Variants in PLA2G1B observed in about 807,000 individuals in gnomAD.
PLA2G1B encodes phospholipase A2.
Under a neutral mutation model 12.5 loss-of-function variants are expected in PLA2G1B, and 12 were observed. The ratio of observed to expected loss-of-function variants is 0.96; its 90% CI spans 0.62 to 1.56. The LOEUF (loss-of-function observed/expected upper bound fraction) is 1.56. Among genes scored for constraint, PLA2G1B ranks in the 40% most tolerant of loss-of-function variants. The pLI, the probability that PLA2G1B is intolerant of heterozygous loss-of-function variation, is 0.00. For missense variants in PLA2G1B, 189 were observed against 186.7 expected, an observed-to-expected ratio of 1.01 and a Z score of -0.07; for synonymous variants, 81 against 73.4, an observed-to-expected ratio of 1.10 and a Z score of -0.53.
At chr12:120,324,864 T>A in intron 3 of PLA2G1B, 70 bp downstream of exon 3, 1 of 1,503,324 alleles carries the variant, frequency 6.7e-7, no homozygotes, top group Non-Finnish European at 9.2e-7. Context: ...ATGGCTGTTG[T>A]TACTATTATT....
At position 120,327,596 on chromosome 12, in the gene PLA2G1B, C is replaced by A; in HGVS notation, c.34+124G>T. 3.1e-6 allele frequency: 3 copies of A among 958,718 alleles called. 1 individual carries two copies. Among genetic ancestry groups the A allele is most frequent in the South Asian group, 2.7e-5 (2 of 75,162 alleles). 59.4% of individuals were successfully genotyped at this position (958,718 alleles called of 1,614,324 possible). ...GGAGCCCTTAAGCCCCACTGGGAAC[C>A]TCGAATTGAGACTGCGGGGCTGGCC... On this transcript the variant is annotated intron_variant, in intron 1 of 3. Transcript: ENST00000308366.
intron 1 of PLA2G1B, 90 bp from the exon 2 acceptor site, chr12:120,326,110 C>T: frequency 7.3e-7 from 1 of 1,368,822 alleles, no homozygotes; most frequent in Non-Finnish European, 1.0e-6. Context: ...CACGCTGCCT[C>T]CCTGACCCCT....
At chr12:120,326,580 TAA>T (rs1362024547) in intron 1 of PLA2G1B, among the ~76,000 whole-genome samples, 46 of 14,894 alleles carry the variant, frequency 3.1e-3, no homozygotes, top group Non-Finnish European at 8.5e-3. Context: ...TGAACAGATA[TAA>T]TAATAATAAT....
chr12:120,325,878 G>T lies in PLA2G1B; in HGVS notation c.177C>A (p.Pro59=), dbSNP rs776823672. Residue 59 remains proline, a synonymous_variant, in exon 2 of 4, where the codon CCC becomes CCA. Transcript: ENST00000308366. ...CYCGLGGSGT[P]VDELDKCCQT... ...TCACTTACTTGTCCAGTTCATCCAC[G>T]GGGGTGCCTGAGCCCCCCAAGCCAC... 1.2e-6 allele frequency: 2 copies of T among 1,613,800 alleles called. No individual in the cohort carries two copies. Among genetic ancestry groups the T allele is most frequent in the Admixed American group, 3.3e-5 (2 of 59,994 alleles).
chr12:120,322,167 G>A lies in PLA2G1B; in HGVS notation c.*26C>T. On this transcript the variant is annotated 3_prime_UTR_variant, in exon 4 of 4. Transcript: ENST00000308366. ...AGTACAGTGTGAGATGAGGCAGATA[G>A]AGGTGATGCTTTTGAGAGGTGATAT... The A allele has an allele frequency of 2.5e-6, 4 of 1,612,334 alleles. No individual in the cohort carries two copies. The highest frequency in any genetic ancestry group is 3.4e-6 in the Non-Finnish European group (4 of 1,178,804).
At chr12:120,325,200 A>G in intron 2 of PLA2G1B, 139 bp from the exon 3 acceptor site, 1 of 797,666 alleles carries the variant, frequency 1.3e-6, no homozygotes, top group Non-Finnish European at 2.0e-6. Context: ...TTGAAAAAAT[A>G]TAAGTCCTTT....
intron 1 of PLA2G1B, among the ~76,000 whole-genome samples, chr12:120,327,027 G>C (rs1873365626): frequency 6.6e-6 from 1 of 151,990 alleles, no homozygotes; most frequent in Non-Finnish European, 1.5e-5. Context: ...TACTGCATTA[G>C]AAAGGGGAAG....
At chr12:120,326,937 C>G (rs1411630794) in intron 1 of PLA2G1B, among the ~76,000 whole-genome samples, 1 of 151,856 alleles carries the variant, frequency 6.6e-6, no homozygotes, top group African/African-American at 2.4e-5. Flanking sequence ...CACCACTGTA[C>G]TCCAGCCTTG....
intron 3 of PLA2G1B, among the ~76,000 whole-genome samples, chr12:120,322,695 T>C (rs1272212197): frequency 1.3e-5 from 2 of 152,156 alleles, no homozygotes; most frequent in South Asian, 2.1e-4. Flanking sequence ...CAAGTGATAC[T>C]CCTGCCTCAG....
chr12:120,325,374 T>A (rs1358378412), intron 2 of PLA2G1B, among the ~76,000 whole-genome samples: 5 of 151,938 alleles, frequency 3.3e-5, no homozygotes, highest in Non-Finnish European at 7.4e-5. Flanking sequence ...AATTTTTGTA[T>A]TTTTTAGTAG....
intron 1 of PLA2G1B, among the ~76,000 whole-genome samples, chr12:120,326,949 C>T (rs959909145): frequency 6.6e-5 from 10 of 150,566 alleles, no homozygotes; most frequent in East Asian, 1.9e-4. Flanking sequence ...CCAGCCTTGG[C>T]GACAAAGCAA....
chr12:120,326,914 T>A (rs1873362995), intron 1 of PLA2G1B, among the ~76,000 whole-genome samples: 1 of 151,878 alleles, frequency 6.6e-6, no homozygotes, highest in Admixed American at 6.6e-5. Context: ...GAGCTTGCAG[T>A]GAGCCGAGAT....
In PLA2G1B at chr12:120,324,992, G is replaced by T; in HGVS notation, c.264C>A (p.Asp88Glu). 6.2e-7 allele frequency: 1 copy of T among 1,614,056 alleles called. No individual in the cohort carries two copies. The highest frequency in any genetic ancestry group is 8.5e-7 in the Non-Finnish European group (1 of 1,179,966). ...KKLDSCKFLL[D>E]NPYTHTYSYS... ...ATGAATAGGTGTGGGTGTACGGGTT[G>T]TCCAGCAGAAATTTACAGCTGTCCA... Residue 88 changes from aspartate (D) to glutamate (E), a missense_variant, in exon 3 of 4, where the codon GAC becomes GAA. Physicochemically the swap from Asp to Glu is conservative, Grantham distance 45. Coordinates refer to ENST00000308366, the MANE Select transcript of PLA2G1B (RefSeq NM_000928.3).
chr12:120,324,358 G>A (rs1396666260), intron 3 of PLA2G1B, among the ~76,000 whole-genome samples: 1 of 152,046 alleles, frequency 6.6e-6, no homozygotes, highest in Non-Finnish European at 1.5e-5. Flanking sequence ...CATTCTATTG[G>A]AAAGATGGAA....
rs905743694 is a variant in PLA2G1B, at chr12:120,325,048, G to A, written c.208C>T (p.His70Tyr). ...VDELDKCCQTHDNCYDQAKKL... is the reference protein window; with the variant it reads ...VDELDKCCQTYDNCYDQAKKL... ...TTGGCCTGGTCATAGCAGTTGTCATGTGTCTGGCAGCACCTGGAAAGTGGG... is the reference window on the plus strand; with the variant it reads ...TTGGCCTGGTCATAGCAGTTGTCATATGTCTGGCAGCACCTGGAAAGTGGG... Residue 70 changes from histidine to tyrosine, a missense_variant, in exon 3 of 4, where the codon CAT becomes TAT. By Grantham distance (83) the His-to-Tyr change is moderately conservative. Coordinates refer to ENST00000308366, the MANE Select transcript of PLA2G1B (RefSeq NM_000928.3). 18 of 1,614,050 alleles carry A rather than the reference G, an allele frequency of 1.1e-5. No homozygotes were observed. Among genetic ancestry groups the A allele is most frequent in the Admixed American group, 1.7e-5 (1 of 59,990 alleles).
Position 120,322,214 on chromosome 12 carries a change from G to C in PLA2G1B, c.426C>G (p.Thr142=). 6.2e-7 allele frequency: 1 copy of C among 1,614,006 alleles called. No individual in the cohort carries two copies. Among genetic ancestry groups the C allele is most frequent in the African/African-American group, 1.3e-5 (1 of 75,024 alleles). The change falls in exon 4 of 4, where the codon ACC becomes ACG. Residue 142 remains threonine, a synonymous_variant. Coordinates refer to ENST00000308366, the MANE Select transcript of PLA2G1B (RefSeq NM_000928.3). The stretch of plus-strand genomic sequence containing the variant: ...ATATTCAACTCTGACAATACTTCTT[G>C]GTGTCCAGGTTCTTGTGTGCCTTGT... The part of the protein sequence containing the change: ...PYNKAHKNLD[T]KKYCQS
Position 120,325,015 on chromosome 12 carries a change from C to T in PLA2G1B, c.241G>A (p.Asp81Asn), listed in dbSNP as rs746546514. The T allele has an allele frequency of 1.9e-6, 3 of 1,613,984 alleles. No homozygotes were observed. Among genetic ancestry groups the T allele is most frequent in the Non-Finnish European group, 1.7e-6 (2 of 1,179,974 alleles). ...DNCYDQAKKL[D>N]SCKFLLDNPY... Reference sequence around the variant, plus strand: ...TTGTCCAGCAGAAATTTACAGCTGTCCAGCTTCTTGGCCTGGTCATAGCAG... The same window carrying T: ...TTGTCCAGCAGAAATTTACAGCTGTTCAGCTTCTTGGCCTGGTCATAGCAG... The change falls in exon 3 of 4, where the codon GAC becomes AAC. Residue 81 changes from aspartate to asparagine, a missense_variant. By Grantham distance (23) the Asp-to-Asn change is conservative. Coordinates refer to ENST00000308366, the MANE Select transcript of PLA2G1B (RefSeq NM_000928.3).
chr12:120,325,218 T>C (rs989998625), intron 2 of PLA2G1B, among the ~76,000 whole-genome samples, 157 bp from the exon 3 acceptor site: 3 of 152,078 alleles, frequency 2.0e-5, no homozygotes, highest in African/African-American at 4.8e-5. Context: ...TTTTATCATA[T>C]ATTTATTGAA....
At chr12:120,323,709 G>A (rs1316038380) in intron 3 of PLA2G1B, among the ~76,000 whole-genome samples, 1 of 151,886 alleles carries the variant, frequency 6.6e-6, no homozygotes. Context: ...CATCAGATTT[G>A]TAAATTTGGC....
Sources: allele counts gnomAD v4.1 joint callset (sites outside exome capture counted in the v4.1 genomes callset), GRCh38; gene constraint gnomAD v4.1.1; transcripts MANE v1.5; gene names NCBI Gene and HGNC (gene_info 2026-07-23, HGNC 2026-07-21).